SLC36A4: variants seen among roughly 807,000 people sequenced by gnomAD.
SLC36A4 encodes solute carrier family 36 member 4.
In SLC36A4, 49 loss-of-function variants were observed where a neutral mutation model predicts 50.5. The observed-to-expected ratio is 0.97, with a 90% CI of 0.77 to 1.23. The LOEUF is 1.23. Ranked by LOEUF, SLC36A4 falls within the 50% of genes most tolerant of loss-of-function variation. The probability of loss-of-function intolerance (pLI) is 0.00; values close to 1 mark genes in which losing one functional copy is unlikely to be tolerated. For synonymous variants in SLC36A4, 207 were observed against 206.5 expected (o/e 1.00, Z -0.02); for missense variants, 611 against 608.4 (o/e 1.00, Z -0.05).
Position 93,168,009 on chromosome 11 carries a change from G to C in SLC36A4, c.703C>G (p.Leu235Val), listed in dbSNP as rs1192808309. The change falls in exon 7 of 11, where the codon CTT becomes GTT. Residue 235 changes from leucine to valine, a missense_variant. By Grantham distance (32) the Leu-to-Val change is conservative. Transcript: ENST00000326402. ...ATGGAAACGTTGGCAAGGAATGAAA[G>C]TACAAATAGATTCTTTAGTTCACGA... Reference protein sequence around the residue: ...FIRELKNLFVLSFLANVSMAV... With the variant: ...FIRELKNLFVVSFLANVSMAV... 3.1e-6 allele frequency: 5 copies of C among 1,612,320 alleles called. No individual in the cohort carries two copies. The highest frequency in any genetic ancestry group is 4.2e-6 in the Non-Finnish European group (5 of 1,179,010).
Position 93,154,144 on chromosome 11 carries a change from C to G in SLC36A4, c.1171G>C (p.Glu391Gln). ...ACCAAGAAGGATCTTATCCCAAATT[C>G]ACAGATTTGCTTCCATTTAGTATGA... ...KFHTKWKQIC[E>Q]FGIRSFLVSI... Residue 391 changes from glutamate (E) to glutamine (Q), a missense_variant, in exon 10 of 11, where the codon GAA (glutamate) becomes CAA (glutamine). Transcript: ENST00000326402. 1 of 1,556,438 alleles carries G rather than the reference C, an allele frequency of 6.4e-7. No individual in the cohort carries two copies. Among genetic ancestry groups the G allele is most frequent in the Non-Finnish European group, 8.7e-7 (1 of 1,154,014 alleles).
At chr11:93,148,944 A>T (rs992651781) in intron 10 of SLC36A4, 100 bp from the exon 11 acceptor site, 9 of 1,140,456 alleles carry the variant, frequency 7.9e-6, no homozygotes, top group Non-Finnish European at 1.1e-5. Flanking sequence ...ATTACTAGAA[A>T]TAATTAATGA....
At chr11:93,196,280 T>C (rs1052674180) in intron 1 of SLC36A4, among the ~76,000 whole-genome samples, 2 of 152,204 alleles carry the variant, frequency 1.3e-5, no homozygotes, top group African/African-American at 4.8e-5. Context: ...CTCTATATAC[T>C]ATAATGAAAA....
chr11:93,175,310 T>C (rs1451797354), intron 6 of SLC36A4, among the ~76,000 whole-genome samples: 2 of 151,874 alleles, frequency 1.3e-5, no homozygotes, highest in Non-Finnish European at 2.9e-5. Flanking sequence ...TTATCATTTT[T>C]TATTGCGTCT....
At position 93,154,289 on chromosome 11, in the gene SLC36A4, A is replaced by G; in HGVS notation, c.1038-12T>C. On this transcript the variant is annotated splice_polypyrimidine_tract_variant and intron_variant, in intron 9 of 10. Transcript: ENST00000326402. The stretch of plus-strand genomic sequence containing the variant: ...CTGATTGATATAACCTGTTGAAAAA[A>G]ATTTTCAAAATTTAGTCATTTTTAA... 1 of 1,315,820 alleles carries G rather than the reference A, an allele frequency of 7.6e-7. No individual in the cohort carries two copies. The highest frequency in any genetic ancestry group is 9.9e-7 in the Non-Finnish European group (1 of 1,007,642). The allele number at this position is 1,315,820 out of a possible 1,614,324, so 81.5% of individuals were successfully genotyped here. A position where few individuals can be genotyped will look rare whatever the true frequency, so the allele number is the denominator to read the frequency against.
intron 9 of SLC36A4, among the ~76,000 whole-genome samples, chr11:93,158,224 T>C (rs1430038168): frequency 1.3e-5 from 2 of 152,182 alleles, no homozygotes; most frequent in Non-Finnish European, 2.9e-5. Flanking sequence ...GTGTTTCCTA[T>C]ACTCTGATAT....
intron 6 of SLC36A4, 87 bp from the exon 7 acceptor site, chr11:93,168,258 A>C (rs966560363): frequency 1.6e-6 from 1 of 643,176 alleles, no homozygotes; most frequent in African/African-American, 1.9e-5. Flanking sequence ...GAAAATCACA[A>C]CATATACACT....
chr11:93,174,087 T>C (rs1235042848), intron 6 of SLC36A4, among the ~76,000 whole-genome samples: 2 of 151,340 alleles, frequency 1.3e-5, no homozygotes, highest in Non-Finnish European at 3.0e-5. Context: ...GAGCATGGAA[T>C]GTTCTTCCAT....
intron 10 of SLC36A4, among the ~76,000 whole-genome samples, chr11:93,150,145 G>A (rs538130091): frequency 3.9e-5 from 6 of 151,978 alleles, no homozygotes; most frequent in Non-Finnish European, 8.8e-5. Context: ...TAAATGATTT[G>A]TTGAGGGTCT....
At chr11:93,163,224 C>T (rs1052912899) in intron 8 of SLC36A4, among the ~76,000 whole-genome samples, 3 of 152,100 alleles carry the variant, frequency 2.0e-5, no homozygotes, top group Non-Finnish European at 4.4e-5. Flanking sequence ...TTTTATATTA[C>T]GATAGTACAT....
chr11:93,166,079 A>G (rs1860849693), intron 7 of SLC36A4, 63 bp from the exon 8 acceptor site: 2 of 1,364,136 alleles, frequency 1.5e-6, no homozygotes, highest in East Asian at 5.0e-5. Flanking sequence ...TAATTAAAAA[A>G]TGTAAGAAAA....
In SLC36A4 at chr11:93,147,305, A is replaced by G. The variant is rs1412139874; in HGVS notation, c.*1232T>C. Reference sequence around the variant, plus strand: ...CCTAGCTGATTCTTTTATTCTGCTCATAATAAATAAAAGGCTGTGATAAGA... The same window carrying G: ...CCTAGCTGATTCTTTTATTCTGCTCGTAATAAATAAAAGGCTGTGATAAGA... On this transcript the variant is annotated 3_prime_UTR_variant, in exon 11 of 11. Transcript: ENST00000326402. The G allele has an allele frequency of 6.6e-6, 1 of 152,104 alleles. No individual in the cohort carries two copies. The highest frequency in any genetic ancestry group is 2.4e-5 in the African/African-American group (1 of 41,428). The allele number at this position is 152,104 out of a possible 1,614,324, so 9.4% of individuals were successfully genotyped here. A position where few individuals can be genotyped will look rare whatever the true frequency, so the allele number is the denominator to read the frequency against.
At chr11:93,158,651 A>C (rs1229322849) in intron 9 of SLC36A4, among the ~76,000 whole-genome samples, 1 of 152,070 alleles carries the variant, frequency 6.6e-6, no homozygotes, top group Non-Finnish European at 1.5e-5. Flanking sequence ...TCAAGAACCC[A>C]CTTATTTCTA....
chr11:93,178,397 C>A (rs1202252031), intron 6 of SLC36A4, among the ~76,000 whole-genome samples: 4 of 152,080 alleles, frequency 2.6e-5, no homozygotes, highest in Non-Finnish European at 5.9e-5. Flanking sequence ...TGGGCTGCAC[C>A]CACTGTCCAA....
chr11:93,148,579 A>G lies in SLC36A4; in HGVS notation c.1473T>C (p.Phe491=), dbSNP rs1408750273. 17 of 1,612,058 alleles carry G rather than the reference A, an allele frequency of 1.1e-5. No individual in the cohort carries two copies. Among genetic ancestry groups the G allele is most frequent in the Non-Finnish European group, 1.4e-5 (17 of 1,179,096 alleles). Residue 491 remains phenylalanine (F), a synonymous_variant, in exon 11 of 11, where the codon TTT becomes TTC. Transcript: ENST00000326402. The stretch of plus-strand genomic sequence containing the variant: ...TTAAGCATGTTGAATTCAAATTTAG[A>G]AAAGGACTCTGTGGAGTGCCAGCTA... ...KVVAGTPQSP[F]LNLNSTCLTS...
intron 6 of SLC36A4, chr11:93,171,211 A>G (rs1861118762): frequency 6.6e-6 from 1 of 151,872 alleles, no homozygotes; most frequent in Non-Finnish European, 1.5e-5. Context: ...CCAGAGAATC[A>G]CTTTTTCTAC....
At chr11:93,183,720 C>CA (rs1418253480) in intron 3 of SLC36A4, among the ~76,000 whole-genome samples, 2 of 150,328 alleles carry the variant, frequency 1.3e-5, no homozygotes, top group African/African-American at 2.5e-5. Context: ...TTTTTTGAGA[C>CA]AGAGTCTTGC....
intron 1 of SLC36A4, among the ~76,000 whole-genome samples, chr11:93,186,811 T>A (rs1438654287): frequency 6.6e-6 from 1 of 152,198 alleles, no homozygotes; most frequent in Non-Finnish European, 1.5e-5. Flanking sequence ...AAGAAGTACA[T>A]CTTCTTAAAA....
chr11:93,168,821 C>T (rs1297424261), intron 6 of SLC36A4, among the ~76,000 whole-genome samples: 2 of 151,958 alleles, frequency 1.3e-5, no homozygotes, highest in Non-Finnish European at 1.5e-5. Flanking sequence ...TATATTAAAA[C>T]TTATTCAGCC....
Sources: allele counts gnomAD v4.1 joint callset (sites outside exome capture counted in the v4.1 genomes callset), GRCh38; gene constraint gnomAD v4.1.1; transcripts MANE v1.5; gene names NCBI Gene and HGNC (gene_info 2026-07-23, HGNC 2026-07-21).